Variants in PRKD1 observed in about 807,000 individuals in gnomAD.
PRKD1 encodes the protein serine/threonine-protein kinase D1.
In PRKD1, 63 loss-of-function variants were observed where a neutral mutation model predicts 95.9. That is an observed-to-expected ratio of 0.66 (90% CI 0.54 to 0.81). The LOEUF (loss-of-function observed/expected upper bound fraction) is 0.81, where lower values mean the gene tolerates loss of function less well. PRKD1 is among the 30% of genes least tolerant of loss of function. The probability of loss-of-function intolerance (pLI) is 0.00; values close to 1 mark genes in which losing one functional copy is unlikely to be tolerated. For synonymous variants in PRKD1, 425 were observed against 423.1 expected, an observed-to-expected ratio of 1.00 and a Z score of -0.05; for missense variants, 1,048 against 1,165.3, an observed-to-expected ratio of 0.90 and a Z score of 1.47.
chr14:29,907,244 A>G (rs1566665378), intron 1 of PRKD1, among the ~76,000 whole-genome samples: 2 of 152,204 alleles, frequency 1.3e-5, no homozygotes, highest in Non-Finnish European at 2.9e-5. Context: ...GCAACGTCCA[A>G]TATTCTCCCT....
intron 1 of PRKD1, among the ~76,000 whole-genome samples, chr14:29,919,850 C>T (rs1331491709): frequency 1.3e-5 from 2 of 152,032 alleles, no homozygotes; most frequent in Non-Finnish European, 2.9e-5. Flanking sequence ...TCTGTAGTCT[C>T]AGCTACTCGG....
chr14:29,618,082 G>A (rs1878988839), intron 13 of PRKD1, among the ~76,000 whole-genome samples: 1 of 151,916 alleles, frequency 6.6e-6, no homozygotes, highest in Admixed American at 6.6e-5. Flanking sequence ...AAACAAAAAA[G>A]CTTTTAGGTG....
intron 2 of PRKD1, among the ~76,000 whole-genome samples, chr14:29,716,397 A>G (rs1039222813): frequency 6.6e-6 from 1 of 152,136 alleles, no homozygotes; most frequent in Non-Finnish European, 1.5e-5. Flanking sequence ...CTTTTTCTGT[A>G]GGTCTTGCCA....
intron 2 of PRKD1, among the ~76,000 whole-genome samples, chr14:29,700,988 G>GCACACACACACACACACACACACACACA (rs1555337072): frequency 6.6e-5 from 6 of 90,568 alleles, no homozygotes; most frequent in Non-Finnish European, 1.5e-4. Flanking sequence ...GCGCGCGCGC[G>GCACACACACACACACACACACACACACA]CACACACACA....
intron 1 of PRKD1, among the ~76,000 whole-genome samples, chr14:29,859,181 C>A (rs1446068739): frequency 1.3e-5 from 2 of 152,192 alleles, no homozygotes; most frequent in African/African-American, 4.8e-5. Flanking sequence ...ATTTAAAAAT[C>A]TGACAGTAAG....
chr14:29,683,205 T>C (rs1297995259), intron 2 of PRKD1, among the ~76,000 whole-genome samples: 2 of 152,102 alleles, frequency 1.3e-5, no homozygotes, highest in Non-Finnish European at 2.9e-5. Flanking sequence ...TATGGGGCTG[T>C]AGCAATAGAA....
At chr14:29,866,372 G>T (rs1229737260) in intron 1 of PRKD1, among the ~76,000 whole-genome samples, 2 of 152,040 alleles carry the variant, frequency 1.3e-5, no homozygotes, top group African/African-American at 2.4e-5. Context: ...CTATGTAGTT[G>T]GTTTTTATTT....
At chr14:29,712,011 T>C (rs1448358915) in intron 2 of PRKD1, among the ~76,000 whole-genome samples, 2 of 152,146 alleles carry the variant, frequency 1.3e-5, no homozygotes, top group Non-Finnish European at 2.9e-5. Context: ...TATAGGAATA[T>C]TGAATAGGAT....
chr14:29,919,975 A>G (rs1394997111), intron 1 of PRKD1, among the ~76,000 whole-genome samples: 1 of 150,160 alleles, frequency 6.7e-6, no homozygotes, highest in Non-Finnish European at 1.5e-5. Context: ...AAAGAGAGAG[A>G]GAGAGAGAGA....
rs1185622022 is a variant in PRKD1 at position 29,676,193 on chromosome 14, T to G, written c.404-9985A>C. On this transcript the variant is annotated intron_variant, in intron 2 of 17. Coordinates refer to ENST00000331968, the MANE Select transcript of PRKD1 (RefSeq NM_002742.3). ...GTTCATTACGTTTTTGTTTTTTTTTTTTTTTTTTTTGCTGAGTTGTATTTC... is the reference window on the plus strand; with the variant it reads ...GTTCATTACGTTTTTGTTTTTTTTTGTTTTTTTTTTGCTGAGTTGTATTTC... Among the ~76,000 whole-genome samples the G allele has an allele frequency of 6.3e-5, 5 of 79,214 alleles. 1 individual carries two copies. Among genetic ancestry groups the G allele is most frequent in the African/African-American group, 1.6e-4 (3 of 18,206 alleles). The allele number at this position is 79,214 out of a possible 152,430, so 52.0% of individuals were successfully genotyped here.
At chr14:29,662,331 A>G (rs1882232381) in intron 4 of PRKD1, among the ~76,000 whole-genome samples, 1 of 152,188 alleles carries the variant, frequency 6.6e-6, no homozygotes, top group African/African-American at 2.4e-5. Context: ...AGAACTTCTG[A>G]GCTGAGAAGA....
intron 1 of PRKD1, among the ~76,000 whole-genome samples, chr14:29,819,527 A>G (rs113966014): frequency 0.023 from 3,444 of 151,988 alleles, 131 homozygotes; most frequent in African/African-American, 0.075. Flanking sequence ...CGTCCCTACT[A>G]AAAATACAAA....
At chr14:29,885,120 C>CT (rs201466290) in intron 1 of PRKD1, among the ~76,000 whole-genome samples, 18,340 of 108,640 alleles carry the variant, frequency 0.17, 3,021 homozygotes, top group African/African-American at 0.48. Flanking sequence ...GAGACTCCAT[C>CT]TTTTAAAAAA....
chr14:29,773,520 A>C (rs1398557322), intron 1 of PRKD1, among the ~76,000 whole-genome samples: 1 of 151,912 alleles, frequency 6.6e-6, no homozygotes, highest in Non-Finnish European at 1.5e-5. Flanking sequence ...GTAGGTATAC[A>C]CATATGACTC....
intron 1 of PRKD1, among the ~76,000 whole-genome samples, chr14:29,874,195 A>C (rs1183959777): frequency 2.0e-5 from 3 of 152,200 alleles, no homozygotes; most frequent in African/African-American, 7.2e-5. Context: ...CTTTGCCAGA[A>C]AACATACAAG....
intron 17 of PRKD1, 82 bp downstream of exon 17, chr14:29,578,193 T>A (rs1259515100): frequency 2.7e-6 from 3 of 1,100,888 alleles, no homozygotes; most frequent in African/African-American, 3.3e-5. Context: ...TTAAAAATTA[T>A]TGCAAAAGAT....
At chr14:29,859,337 G>A (rs1892621495) in intron 1 of PRKD1, among the ~76,000 whole-genome samples, 1 of 150,222 alleles carries the variant, frequency 6.7e-6, no homozygotes, top group African/African-American at 2.5e-5. Flanking sequence ...AGCCAGGCGT[G>A]GTGGCTCACA....
chr14:29,667,430 C>G (rs1441144260), intron 2 of PRKD1, among the ~76,000 whole-genome samples: 1 of 152,012 alleles, frequency 6.6e-6, no homozygotes, highest in Non-Finnish European at 1.5e-5. Context: ...CTTTCCTTTC[C>G]TCCTCAATTC....
At chr14:29,750,189 C>T (rs181796222) in intron 1 of PRKD1, among the ~76,000 whole-genome samples, 167 of 152,166 alleles carry the variant, frequency 1.1e-3, no homozygotes, top group Non-Finnish European at 1.8e-3. Flanking sequence ...TTAAAAAAAT[C>T]AACTATGAAT....
Sources: gnomAD v4.1 joint callset for allele counts (sites outside exome capture counted in the v4.1 genomes callset) on GRCh38, gnomAD v4.1.1 for gene constraint, MANE v1.5 for transcripts, NCBI Gene and HGNC (gene_info 2026-07-23, HGNC 2026-07-21) for gene names.